DNM2: variants seen among roughly 807,000 people sequenced by gnomAD.
The protein encoded by DNM2 is dynamin 2, also known as dynamin-2.
DNM2 carries 15 observed loss-of-function variants against 99.0 expected under a neutral mutation model. That is an observed-to-expected ratio of 0.15 (90% CI 0.10 to 0.23). The LOEUF is 0.23. DNM2 is among the 10% of genes least tolerant of loss of function. The pLI is 1.00. For synonymous variants in DNM2, 525 were observed against 481.2 expected, an observed-to-expected ratio of 1.09 and a Z score of -1.19; for missense variants, 742 against 1,189.4, an observed-to-expected ratio of 0.62 and a Z score of 5.53.
In DNM2 at chr19:10,796,792, G is replaced by A. The variant is rs553677511; in HGVS notation, c.1197-588G>A. Among the ~76,000 whole-genome samples the A allele has an allele frequency of 2.0e-5, 3 of 152,174 alleles. No homozygotes were observed. The highest frequency in any genetic ancestry group is 4.8e-5 in the African/African-American group (2 of 41,520). ...CACAGTGCCTCTATGCGCTCTCGAC[G>A]AGCCACTGCCTCCACTCAGCAGGAC... On this transcript the variant is annotated intron_variant, in intron 9 of 20. Coordinates refer to ENST00000389253, the MANE Select transcript of DNM2 (RefSeq NM_001005361.3). This position sits in a 1 kb window ranked among gnomAD's most constrained non-coding sequence, Gnocchi z 5.6.
At chr19:10,770,635 TGG>T in intron 2 of DNM2, among the ~76,000 whole-genome samples, 1 of 152,214 alleles carries the variant, frequency 6.6e-6, no homozygotes, top group Non-Finnish European at 1.5e-5. Flanking sequence ...ACAGCTGGGC[TGG>T]GGAAGCCCCA....
chr19:10,789,941 G>A (rs1022012336), intron 7 of DNM2, among the ~76,000 whole-genome samples: 2 of 152,358 alleles, frequency 1.3e-5, no homozygotes, highest in Middle Eastern at 3.4e-3. Context: ...CCTGTCCCCC[G>A]GGGCTTAGCA....
At chr19:10,744,773 G>A (rs1025409735) in intron 1 of DNM2, among the ~76,000 whole-genome samples, 1 of 152,160 alleles carries the variant, frequency 6.6e-6, no homozygotes, top group African/African-American at 2.4e-5. Context: ...GAGAGACTTT[G>A]CTAACAAGGT....
rs560987876 is a variant in DNM2 at position 10,784,272 on chromosome 19, G to T, written c.849+1152G>T. On this transcript the variant is annotated intron_variant, in intron 6 of 20. Transcript: ENST00000389253. ...GGGGGAGACTGACACCCAACAAACC[G>T]CCAGATAAATGCACGATCAAGAATC... 2.7e-4 allele frequency among the ~76,000 whole-genome samples: 41 copies of T among 152,186 alleles called. No individual in the cohort carries two copies. In the Middle Eastern group the frequency reaches 0.014, roughly 51 times the overall value.
At chr19:10,731,847 G>T (rs997772724) in intron 1 of DNM2, among the ~76,000 whole-genome samples, 4 of 152,252 alleles carry the variant, frequency 2.6e-5, no homozygotes, top group Non-Finnish European at 5.9e-5. Flanking sequence ...TGCCCTGGTG[G>T]CCTGGACAGG....
chr19:10,802,650 C>A (rs2072194017), intron 12 of DNM2: 1 of 481,974 alleles, frequency 2.1e-6, no homozygotes, highest in Admixed American at 3.2e-5. Context: ...AGCTGCTGCA[C>A]CCCCTCTCCT....
intron 7 of DNM2, among the ~76,000 whole-genome samples, chr19:10,790,747 C>A (rs2071726222): frequency 6.6e-6 from 1 of 152,178 alleles, no homozygotes; most frequent in African/African-American, 2.4e-5. Context: ...GGATTACAGG[C>A]ATGAGCCACC....
chr19:10,814,475 A>T (rs2072666848), intron 15 of DNM2, among the ~76,000 whole-genome samples: 1 of 152,198 alleles, frequency 6.6e-6, no homozygotes, highest in Admixed American at 6.5e-5. Flanking sequence ...AAAGAAAAAA[A>T]AACACCAGAC....
chr19:10,790,420 G>A (rs1041182739), intron 7 of DNM2, among the ~76,000 whole-genome samples: 6 of 152,138 alleles, frequency 3.9e-5, no homozygotes, highest in African/African-American at 1.4e-4. Flanking sequence ...GAACATACGT[G>A]TTTAAAATTG....
At chr19:10,793,891 G>A in intron 8 of DNM2, 36 bp downstream of exon 8, 2 of 1,613,928 alleles carry the variant, frequency 1.2e-6, no homozygotes, top group Non-Finnish European at 1.7e-6. Context: ...CCCGTCTCTG[G>A]TCAGGCACCC....
intron 5 of DNM2, among the ~76,000 whole-genome samples, chr19:10,782,452 G>C (rs973895257): frequency 2.0e-5 from 3 of 151,370 alleles, no homozygotes; most frequent in Non-Finnish European, 4.4e-5. Flanking sequence ...TCCGCCTGCC[G>C]GGTTCAAGCG....
chr19:10,759,038 C>T (rs1345938929), intron 1 of DNM2, among the ~76,000 whole-genome samples: 1 of 151,938 alleles, frequency 6.6e-6, no homozygotes, highest in African/African-American at 2.4e-5. Context: ...GCCTCCCGGG[C>T]TCATGCCATC....
At chr19:10,822,048 C>A (rs2072988462) in intron 16 of DNM2, among the ~76,000 whole-genome samples, 2 of 152,210 alleles carry the variant, frequency 1.3e-5, no homozygotes, top group Non-Finnish European at 2.9e-5. Flanking sequence ...CTTAACCACA[C>A]CTGGATGTGG....
intron 6 of DNM2, 131 bp from the exon 7 acceptor site, chr19:10,786,419 ATCTGTTGCTGTCTC>A: frequency 2.3e-6 from 3 of 1,281,438 alleles, no homozygotes; most frequent in South Asian, 2.4e-5. Flanking sequence ...GGCTTGATTT[ATCTGTTGCTGTCTC>A]TCAAGGCTGT....
rs1348151694 is a variant in DNM2 at position 10,808,131 on chromosome 19, A to T, written c.1546-438A>T. ...GCACTCTGGCCTGGGCGGCTGAGCG[A>T]GACTCCATATCAGGAAAAAAAAAAA... On this transcript the variant is annotated intron_variant, in intron 13 of 20. Transcript: ENST00000389253. Among the ~76,000 whole-genome samples the T allele has an allele frequency of 2.6e-5, 4 of 150,970 alleles. No homozygotes were observed. In the East Asian group the frequency reaches 8.2e-4, roughly 31 times the overall value.
At chr19:10,786,095 T>A (rs977499978) in intron 6 of DNM2, among the ~76,000 whole-genome samples, 8 of 152,260 alleles carry the variant, frequency 5.3e-5, no homozygotes, top group African/African-American at 1.9e-4. Flanking sequence ...CCACCATGCC[T>A]GGCCCACATT....
chr19:10,809,096 C>T (rs772021803), intron 14 of DNM2: 4 of 154,252 alleles, frequency 2.6e-5, no homozygotes, highest in South Asian at 3.8e-4. Flanking sequence ...CTCTAGCACA[C>T]GCCCATGGCA....
At chr19:10,759,484 A>G (rs2070542517) in intron 1 of DNM2, 1 of 565,750 alleles carries the variant, frequency 1.8e-6, no homozygotes, top group Non-Finnish European at 3.2e-6. Flanking sequence ...GCCCCCTGGG[A>G]GTACGGGGGG....
chr19:10,764,884 C>T lies in DNM2; in HGVS notation c.235+5073C>T, dbSNP rs1362752996. ...CCTACCTGCCACTGTCTGCTGCTCA[C>T]CCGCACCTGGTCACTTGCCGCCTTC... On this transcript the variant is annotated intron_variant, in intron 2 of 20. Coordinates refer to ENST00000389253, the MANE Select transcript of DNM2 (RefSeq NM_001005361.3). This position sits in a 1 kb window ranked among gnomAD's most constrained non-coding sequence, Gnocchi z 4.1. Among the ~76,000 whole-genome samples the T allele has an allele frequency of 6.6e-6, 1 of 152,222 alleles. No individual in the cohort carries two copies. The highest frequency in any genetic ancestry group is 1.5e-5 in the Non-Finnish European group (1 of 68,040).
Sources: allele counts gnomAD v4.1 joint callset (sites outside exome capture counted in the v4.1 genomes callset), GRCh38; gene constraint gnomAD v4.1.1; non-coding constraint Gnocchi (gnomAD v3.1); transcripts MANE v1.5; gene names NCBI Gene and HGNC (gene_info 2026-07-23, HGNC 2026-07-21).